ZSWIM9: variants seen among roughly 807,000 people sequenced by gnomAD.
ZSWIM9 encodes zinc finger SWIM-type containing 9, also known as uncharacterized protein ZSWIM9.
In ZSWIM9, 11 loss-of-function variants were observed where a neutral mutation model predicts 25.0. The ratio of observed to expected loss-of-function variants is 0.44; its 90% confidence interval spans 0.28 to 0.73. ZSWIM9 has a LOEUF of 0.73. Among genes scored for constraint, ZSWIM9 ranks in the 30% least tolerant of loss-of-function variants. ZSWIM9 has a pLI of 0.16. For missense variants in ZSWIM9, 1,070 were observed against 1,296.5 expected (o/e 0.83, Z 2.68); for synonymous variants, 562 against 582.1 (o/e 0.97, Z 0.50).
chr19:48,185,382 G>A (rs892292331), intron 3 of ZSWIM9, among the ~76,000 whole-genome samples: 7 of 152,090 alleles, frequency 4.6e-5, no homozygotes, highest in African/African-American at 7.2e-5. Context: ...TGATCCCCCC[G>A]CCTTGGCCTC....
At chr19:48,174,368 A>G (rs978705047) in intron 2 of ZSWIM9, among the ~76,000 whole-genome samples, 3 of 152,028 alleles carry the variant, frequency 2.0e-5, no homozygotes, top group African/African-American at 7.2e-5. Flanking sequence ...GAGATCATAC[A>G]TGAGAAAAAC....
Position 48,194,818 on chromosome 19 carries a change from T to C in ZSWIM9, c.754T>C (p.Ser252Pro). ...DLLAVLCVDG[S>P]GRARQAACCV... ...GCTGGCCGTGCTGTGCGTGGACGGC[T>C]CGGGCCGTGCGCGCCAGGCTGCCTG... Residue 252 changes from serine (S) to proline (P), a missense_variant, in exon 4 of 4, where the codon TCG becomes CCG. Around this residue, in one of 4 missense-constraint regions of ZSWIM9, gnomAD observed 38 missense variants for 89.7 expected, o/e 0.42. Transcript: ENST00000614654. The surrounding 1 kb of genome is among the most constrained non-coding windows in gnomAD (Gnocchi z 6.0). The C allele has an allele frequency of 6.7e-7, 1 of 1,485,052 alleles. No homozygotes were observed. Among genetic ancestry groups the C allele is most frequent in the Non-Finnish European group, 8.9e-7 (1 of 1,124,746 alleles). The allele number at this position is 1,485,052 out of a possible 1,614,324, so 92.0% of individuals were successfully genotyped here. A position where few individuals can be genotyped will look rare whatever the true frequency, so the allele number is the denominator to read the frequency against.
chr19:48,191,488 A>C (rs2037094231), intron 3 of ZSWIM9, among the ~76,000 whole-genome samples: 1 of 152,232 alleles, frequency 6.6e-6, no homozygotes. Context: ...TACAGGCGTA[A>C]GCCACTGTGC....
chr19:48,188,564 T>A lies in ZSWIM9; in HGVS notation c.588+5797T>A, dbSNP rs187192466. 2.6e-3 allele frequency among the ~76,000 whole-genome samples: 401 copies of A among 152,222 alleles called. 3 individuals are homozygous for A. The highest frequency in any genetic ancestry group is 4.4e-3 in the Non-Finnish European group (298 of 68,010). On this transcript the variant is annotated intron_variant, in intron 3 of 3. Transcript: ENST00000614654. ...TATCACCTGCCCTGCCTGATGATGA[T>A]GGGCTTTGGGGTCCAGTCACATCTC...
chr19:48,181,516 T>C (rs1347744192), intron 2 of ZSWIM9: 4 of 152,190 alleles, frequency 2.6e-5, no homozygotes, highest in Non-Finnish European at 4.4e-5. Context: ...TGTTGGATAT[T>C]TAGGTTTCAA....
At chr19:48,188,051 C>T (rs1164993122) in intron 3 of ZSWIM9, among the ~76,000 whole-genome samples, 1 of 151,736 alleles carries the variant, frequency 6.6e-6, no homozygotes, top group Non-Finnish European at 1.5e-5. Context: ...TCAGTCTTTC[C>T]ACTTCCCAGC....
intron 2 of ZSWIM9, among the ~76,000 whole-genome samples, chr19:48,179,313 C>T (rs2036924092): frequency 6.6e-6 from 1 of 151,860 alleles, no homozygotes. Context: ...GGGTGTGTGC[C>T]ACAATGCCTG....
chr19:48,176,914 A>T (rs1051012236), intron 2 of ZSWIM9, among the ~76,000 whole-genome samples: 12 of 134,136 alleles, frequency 8.9e-5, no homozygotes, highest in African/African-American at 3.6e-4. Context: ...AATAAAAATT[A>T]AAAAAAAAAA....
At chr19:48,175,834 T>G (rs1433202799) in intron 2 of ZSWIM9, among the ~76,000 whole-genome samples, 1 of 152,182 alleles carries the variant, frequency 6.6e-6, no homozygotes, top group Non-Finnish European at 1.5e-5. Context: ...CTTCCCTCCC[T>G]GGAACAGAAT....
chr19:48,195,621 G>A lies in ZSWIM9; in HGVS notation c.1557G>A (p.Gln519=). Reference sequence around the variant, plus strand: ...AAGGTGAGAAGGGGAGGGCACTGCAGATCAGAGATTGGAGAGGGGGTCGGT... The same window carrying A: ...AAGGTGAGAAGGGGAGGGCACTGCAAATCAGAGATTGGAGAGGGGGTCGGT... ...QFEGEKGRAL[Q]IRDWRGGRLE... Residue 519 remains glutamine (Q), a synonymous_variant, in exon 4 of 4, where the codon CAG becomes CAA. Transcript: ENST00000614654. The surrounding 1 kb of genome is among the most constrained non-coding windows in gnomAD (Gnocchi z 5.8). 7.0e-7 allele frequency: 1 copy of A among 1,424,950 alleles called. No homozygotes were observed. Among genetic ancestry groups the A allele is most frequent in the Non-Finnish European group, 9.1e-7 (1 of 1,095,294 alleles). 88.3% of individuals were successfully genotyped at this position (1,424,950 alleles called of 1,614,324 possible). A position where few individuals can be genotyped will look rare whatever the true frequency, so the allele number is the denominator to read the frequency against.
chr19:48,182,387 A>AT lies in ZSWIM9; in HGVS notation c.276-68_276-67insT. Reference sequence around the variant, plus strand: ...AATTCTTAGTTTAAAAAAAAAAAAAAGGTGAGTGGAAAGGAAGAAGAGGGC... The same window carrying AT: ...AATTCTTAGTTTAAAAAAAAAAAAAATGGTGAGTGGAAAGGAAGAAGAGGGC... On this transcript the variant is annotated intron_variant, in intron 2 of 3. Coordinates refer to ENST00000614654, the MANE Select transcript of ZSWIM9 (RefSeq NM_199341.4). This position sits in a 1 kb window ranked among gnomAD's most constrained non-coding sequence, Gnocchi z 4.6. 6 of 1,236,846 alleles carry AT rather than the reference A, an allele frequency of 4.9e-6. No individual in the cohort carries two copies. Among genetic ancestry groups the AT allele is most frequent in the Non-Finnish European group, 6.5e-6 (6 of 917,000 alleles). 76.6% of individuals were successfully genotyped at this position (1,236,846 alleles called of 1,614,324 possible).
chr19:48,183,831 C>CGGGG (rs368105468), intron 3 of ZSWIM9, among the ~76,000 whole-genome samples: 2 of 143,516 alleles, frequency 1.4e-5, no homozygotes, highest in African/African-American at 2.6e-5. Context: ...AGATGTTTGG[C>CGGGG]GGGGGGGGGT....
Position 48,196,036 on chromosome 19 carries a change from CTGGAGGTCAGAAACTTGAGGGGGA to C in ZSWIM9, c.1974_1997del (p.Glu659_Ile666del). The C allele has an allele frequency of 4.0e-6, 5 of 1,261,882 alleles. No individual in the cohort carries two copies. The highest frequency in any genetic ancestry group is 4.0e-6 in the Non-Finnish European group (4 of 1,005,524). 78.2% of individuals were successfully genotyped at this position (1,261,882 alleles called of 1,614,324 possible). On this transcript the variant is annotated inframe_deletion, in exon 4 of 4. Coordinates refer to ENST00000614654, the MANE Select transcript of ZSWIM9 (RefSeq NM_199341.4). The stretch of plus-strand genomic sequence containing the variant: ...GTCAGAAGTAGAGAAGGGGAGGGGG[CTGGAGGTCAGAAACTTGAGGGGGA>C]TCCCCTTGGAGAAGTCCCTGGAGTT...
chr19:48,182,702 G>C lies in ZSWIM9; in HGVS notation c.523G>C (p.Asp175His). Residue 175 changes from aspartate to histidine, a missense_variant, in exon 3 of 4, where the codon GAC (aspartate) becomes CAC (histidine). By Grantham distance (81) the Asp-to-His change is moderately conservative. Coordinates refer to ENST00000614654, the MANE Select transcript of ZSWIM9 (RefSeq NM_199341.4). This position sits in a 1 kb window ranked among gnomAD's most constrained non-coding sequence, Gnocchi z 4.6. Reference sequence around the variant, plus strand: ...CCTGCTGTCCTACTGCAAGGGCCGCGACCACGGCGTCCTGGACGCCCTGCA... The same window carrying C: ...CCTGCTGTCCTACTGCAAGGGCCGCCACCACGGCGTCCTGGACGCCCTGCA... ...RRLLSYCKGR[D>H]HGVLDALHVL... 6.5e-7 allele frequency: 1 copy of C among 1,535,512 alleles called. No homozygotes were observed. The highest frequency in any genetic ancestry group is 8.7e-7 in the Non-Finnish European group (1 of 1,146,520).
chr19:48,182,557 C>T lies in ZSWIM9; in HGVS notation c.378C>T (p.Ala126=). The T allele has an allele frequency of 2.0e-6, 3 of 1,535,936 alleles. No individual in the cohort carries two copies. Among genetic ancestry groups the T allele is most frequent in the Non-Finnish European group, 2.6e-6 (3 of 1,146,778 alleles). The change falls in exon 3 of 4, where the codon GCC becomes GCT. Residue 126 remains alanine (A), a synonymous_variant. Coordinates refer to ENST00000614654, the MANE Select transcript of ZSWIM9 (RefSeq NM_199341.4). The surrounding 1 kb of genome is among the most constrained non-coding windows in gnomAD (Gnocchi z 4.6). The part of the protein sequence containing the change: ...TECQLTHSHP[A]CPLEFAYYFR... ...GCCAGCTGACCCACTCACACCCGGC[C>T]TGCCCGCTGGAGTTCGCCTACTACT...
chr19:48,184,143 C>A (rs1439946409), intron 3 of ZSWIM9, among the ~76,000 whole-genome samples: 2 of 151,838 alleles, frequency 1.3e-5, no homozygotes, highest in African/African-American at 4.8e-5. Flanking sequence ...AGGCCGGGGC[C>A]TGGAGCGGGA....
chr19:48,182,508 G>C lies in ZSWIM9; in HGVS notation c.329G>C (p.Arg110Pro). The stretch of plus-strand genomic sequence containing the variant: ...ATCATCGTCAAGCTGAGCCCGCTGC[G>C]GGACCGCCTCGTGGTGACGGAGTGC... ...AFIIVKLSPL[R>P]DRLVVTECQL... Residue 110 changes from arginine (R) to proline (P), a missense_variant, in exon 3 of 4, where the codon CGG (arginine) becomes CCG (proline). By Grantham distance (103) the Arg-to-Pro change is moderately radical. Around this residue, in one of 4 missense-constraint regions of ZSWIM9, gnomAD observed 265 missense variants for 339.0 expected, o/e 0.78. Coordinates refer to ENST00000614654, the MANE Select transcript of ZSWIM9 (RefSeq NM_199341.4). The surrounding 1 kb of genome is among the most constrained non-coding windows in gnomAD (Gnocchi z 4.6). 1 of 1,535,760 alleles carries C rather than the reference G, an allele frequency of 6.5e-7. No homozygotes were observed.
At position 48,171,991 on chromosome 19, in the gene ZSWIM9, G is replaced by A; in HGVS notation, c.189G>A (p.Pro63=). Residue 63 remains proline (P), a synonymous_variant, in exon 2 of 4, where the codon CCG becomes CCA. Coordinates refer to ENST00000614654, the MANE Select transcript of ZSWIM9 (RefSeq NM_199341.4). The part of the protein sequence containing the change: ...LARCRWASAP[P]LYTLIDVLKY... The stretch of plus-strand genomic sequence containing the variant: ...GCTGCCGCTGGGCCAGTGCGCCCCC[G>A]CTCTACACGCTCATCGACGTGCTCA... The A allele has an allele frequency of 6.5e-6, 10 of 1,535,620 alleles. No homozygotes were observed. The highest frequency in any genetic ancestry group is 8.7e-6 in the Non-Finnish European group (10 of 1,146,586).
At chr19:48,191,349 C>T (rs542081892) in intron 3 of ZSWIM9, among the ~76,000 whole-genome samples, 8 of 152,128 alleles carry the variant, frequency 5.3e-5, no homozygotes, top group South Asian at 4.2e-4. Context: ...AGATTACAGG[C>T]GCGCACCACC....
Sources: allele counts gnomAD v4.1 joint callset (sites outside exome capture counted in the v4.1 genomes callset), GRCh38; gene constraint gnomAD v4.1.1; regional missense constraint gnomAD v4.1.1; non-coding constraint Gnocchi (gnomAD v3.1); transcripts MANE v1.5; gene names NCBI Gene and HGNC (gene_info 2026-07-23, HGNC 2026-07-21).